NCALD: variants seen among roughly 807,000 people sequenced by gnomAD.
NCALD encodes neurocalcin delta.
In NCALD, 10 loss-of-function variants were observed where a neutral mutation model predicts 18.6. That is an observed-to-expected ratio of 0.54 (90% CI 0.33 to 0.91). The LOEUF (loss-of-function observed/expected upper bound fraction) is 0.91, where lower values mean the gene tolerates loss of function less well. Among genes scored for constraint, NCALD ranks in the 40% least tolerant of loss-of-function variants. The pLI is 0.03. For missense variants in NCALD, 184 were observed against 247.6 expected (o/e 0.74, Z 1.72); for synonymous variants, 88 against 87.4 (o/e 1.01, Z -0.04).
intron 2 of NCALD, among the ~76,000 whole-genome samples, chr8:102,010,707 A>G (rs1362249138): frequency 6.6e-6 from 1 of 152,140 alleles, no homozygotes; most frequent in East Asian, 1.9e-4. Context: ...AGGCAAAATC[A>G]CCTCCAGCCT....
chr8:102,074,713 C>A (rs1366558014), intron 1 of NCALD, among the ~76,000 whole-genome samples: 1 of 152,130 alleles, frequency 6.6e-6, no homozygotes, highest in Non-Finnish European at 1.5e-5. Context: ...TTTACTTCCA[C>A]ACAATATTAT....
chr8:102,016,159 C>A (rs145892302), intron 2 of NCALD, among the ~76,000 whole-genome samples: 116 of 152,250 alleles, frequency 7.6e-4, no homozygotes, highest in African/African-American at 2.6e-3. Context: ...AAGGGAAGGA[C>A]AAGAAACTTG....
intron 3 of NCALD, chr8:101,690,342 C>T: frequency 1.0e-6 from 1 of 982,596 alleles, no homozygotes; most frequent in Non-Finnish European, 1.2e-6. Context: ...AATTGCTGGG[C>T]ATCTCCGCCC....
intron 1 of NCALD, among the ~76,000 whole-genome samples, chr8:102,112,223 G>C (rs57718182): frequency 0.08 from 12,103 of 152,098 alleles, 1,257 homozygotes; most frequent in African/African-American, 0.24. Context: ...TCTTCTCCTT[G>C]CATGTGTTAT....
chr8:101,847,909 T>C (rs747160471), intron 4 of NCALD, among the ~76,000 whole-genome samples: 10 of 152,106 alleles, frequency 6.6e-5, no homozygotes, highest in Non-Finnish European at 1.5e-4. Flanking sequence ...CTTCAGGCAT[T>C]TACGCTCGTA....
intron 1 of NCALD, among the ~76,000 whole-genome samples, chr8:101,768,406 A>T (rs1318966322): frequency 2.0e-5 from 3 of 152,158 alleles, no homozygotes; most frequent in Non-Finnish European, 4.4e-5. Context: ...CAATGAGAAA[A>T]CCAGTCAGAA....
intron 4 of NCALD, chr8:101,872,519 T>A (rs1742647913): frequency 2.8e-6 from 2 of 722,864 alleles, no homozygotes; most frequent in Non-Finnish European, 5.1e-6. Context: ...AAGATGTCAT[T>A]CCACTCAGTG....
chr8:101,790,876 G>A lies in NCALD; in HGVS notation c.-34C>T, dbSNP rs1214713676. 1.3e-5 allele frequency: 2 copies of A among 152,204 alleles called. No homozygotes were observed. Among genetic ancestry groups the A allele is most frequent in the African/African-American group, 4.8e-5 (2 of 41,436 alleles). The allele number at this position is 152,204 out of a possible 1,614,324, so 9.4% of individuals were successfully genotyped here. On this transcript the variant is annotated 5_prime_UTR_variant, in exon 1 of 4. Coordinates refer to ENST00000220931, the MANE Select transcript of NCALD (RefSeq NM_032041.3). ...AAACTAATTACCTCACTCAGAAGAA[G>A]TGCAAGATTTAACAGTCCATGCTCT...
upstream of NCALD, among the ~76,000 whole-genome samples, chr8:101,792,756 C>G (rs150754729): frequency 6.6e-6 from 1 of 152,216 alleles, no homozygotes; most frequent in Non-Finnish European, 1.5e-5. Flanking sequence ...GCTTAATTTA[C>G]CATCTCTCTG....
At chr8:102,072,441 T>C (rs887006922) in intron 1 of NCALD, among the ~76,000 whole-genome samples, 5 of 152,120 alleles carry the variant, frequency 3.3e-5, no homozygotes, top group African/African-American at 7.2e-5. Context: ...CCACATGAAA[T>C]TTCTGATAGT....
At position 102,095,607 on chromosome 8, in the gene NCALD, T is replaced by C. The variant is rs557505443; in HGVS notation, c.-210+28630A>G. 2.6e-5 allele frequency among the ~76,000 whole-genome samples: 4 copies of C among 152,252 alleles called. No homozygotes were observed. The South Asian group carries it at 8.3e-4, about 32-fold the overall frequency. ...AACTGACACGAATGCTTAGAAGCAT[T>C]GGGGAGATAATTACTCAACGTGTAC... On this transcript the variant is annotated intron_variant, in intron 1 of 6. Transcript: ENST00000311028.
intron 2 of NCALD, among the ~76,000 whole-genome samples, chr8:101,968,870 C>G (rs751273971): frequency 6.6e-6 from 1 of 152,154 alleles, no homozygotes; most frequent in Non-Finnish European, 1.5e-5. Context: ...TGAATGTGTT[C>G]CTGAAAGAGC....
At chr8:101,730,380 T>C (rs1816765312) in intron 1 of NCALD, among the ~76,000 whole-genome samples, 1 of 145,144 alleles carries the variant, frequency 6.9e-6, no homozygotes, top group Non-Finnish European at 1.5e-5. Context: ...CTCGGGAGGC[T>C]GAGGCAGGAG....
intron 2 of NCALD, 105 bp from the exon 3 acceptor site, chr8:101,693,001 G>T (rs1183998759): frequency 2.6e-6 from 2 of 772,006 alleles, no homozygotes; most frequent in Admixed American, 2.0e-5. Context: ...GTCCCCATCC[G>T]CATTGGACCT....
chr8:101,786,009 G>GT (rs890233535), intron 1 of NCALD: 2 of 152,194 alleles, frequency 1.3e-5, no homozygotes, highest in African/African-American at 4.8e-5. Context: ...GTTTTGTACT[G>GT]TTTCCTTTTA....
intron 1 of NCALD, among the ~76,000 whole-genome samples, chr8:101,783,249 G>A (rs535460642): frequency 2.4e-4 from 36 of 152,300 alleles, no homozygotes; most frequent in African/African-American, 8.2e-4. Flanking sequence ...TGAAGTTTAA[G>A]TAAGTGAGAA....
At chr8:102,038,454 A>T (rs1295150274) in intron 1 of NCALD, among the ~76,000 whole-genome samples, 1 of 152,186 alleles carries the variant, frequency 6.6e-6, no homozygotes, top group Non-Finnish European at 1.5e-5. Context: ...GCCAGCAAGG[A>T]TGCTGCATCA....
intron 4 of NCALD, among the ~76,000 whole-genome samples, chr8:101,825,966 T>C (rs1396342325): frequency 1.3e-5 from 2 of 152,228 alleles, no homozygotes; most frequent in Non-Finnish European, 2.9e-5. Flanking sequence ...AGGATTTAGA[T>C]GGCAAGGCCA....
intron 1 of NCALD, among the ~76,000 whole-genome samples, chr8:102,103,758 C>A (rs529699871): frequency 1.4e-4 from 21 of 151,868 alleles, no homozygotes; most frequent in Non-Finnish European, 2.9e-4. Flanking sequence ...AAACAGCATG[C>A]GAAGAAATAA....
Sources: gnomAD v4.1 joint callset for allele counts (sites outside exome capture counted in the v4.1 genomes callset) on GRCh38, gnomAD v4.1.1 for gene constraint, MANE v1.5 for transcripts, NCBI Gene and HGNC (gene_info 2026-07-23, HGNC 2026-07-21) for gene names.